Variants in BCKDHA observed in about 807,000 individuals in gnomAD.
BCKDHA encodes the protein 2-oxoisovalerate dehydrogenase subunit alpha, mitochondrial.
A neutral mutation model predicts 52.2 loss-of-function variants in BCKDHA; 43 were observed. The observed-to-expected ratio is 0.82, with a 90% CI of 0.64 to 1.06. The LOEUF (loss-of-function observed/expected upper bound fraction) is 1.06. Ranked by LOEUF, BCKDHA falls within the 50% of genes least tolerant of loss-of-function variation. The pLI is 0.00. For synonymous variants in BCKDHA, 234 were observed against 247.9 expected (o/e 0.94, Z 0.53); for missense variants, 527 against 621.3 (o/e 0.85, Z 1.61).
intron 1 of BCKDHA, among the ~76,000 whole-genome samples, chr19:41,401,303 C>T (rs1022934052): frequency 1.1e-4 from 16 of 151,862 alleles, no homozygotes; most frequent in Non-Finnish European, 2.2e-4. Context: ...CTTGAACTCC[C>T]GACCTCAGGC....
intron 4 of BCKDHA, among the ~76,000 whole-genome samples, chr19:41,416,677 C>T (rs1341072481): frequency 3.3e-5 from 5 of 152,178 alleles, no homozygotes; most frequent in African/African-American, 1.2e-4. Context: ...CCCAGCACTT[C>T]GGGAGGCTGA....
intron 1 of BCKDHA, among the ~76,000 whole-genome samples, chr19:41,406,538 G>A (rs980805383): frequency 2.0e-5 from 3 of 150,270 alleles, no homozygotes; most frequent in Non-Finnish European, 4.4e-5. Flanking sequence ...TCCAGTATCT[G>A]GACTACATGT....
Position 41,408,111 on chromosome 19 carries a change from A to C in BCKDHA, c.109-2526A>C, listed in dbSNP as rs137914326. Among the ~76,000 whole-genome samples, 47 of 152,036 alleles carry C rather than the reference A, an allele frequency of 3.1e-4. No individual in the cohort carries two copies. In the East Asian group the frequency reaches 8.9e-3, roughly 29 times the overall value. ...GCTGGGACCACAGGCATGTGTCACC[A>C]TGCCTTTCTAATGTTTGTATTTTTT... is the stretch of plus-strand genomic sequence containing the variant. On this transcript the variant is annotated intron_variant, in intron 1 of 8. Transcript: ENST00000269980.
chr19:41,399,597 C>T (rs2039114567), intron 1 of BCKDHA: 1 of 151,654 alleles, frequency 6.6e-6, no homozygotes, highest in African/African-American at 2.4e-5. Context: ...TTTGTATTAT[C>T]TTAAGAGTTA....
At position 41,424,764 on chromosome 19, in the gene BCKDHA, C is replaced by G; in HGVS notation, c.*156C>G. 1 of 765,752 alleles carries G rather than the reference C, an allele frequency of 1.3e-6. No homozygotes were observed. The highest frequency in any genetic ancestry group is 2.0e-6 in the Non-Finnish European group (1 of 493,564). The allele number at this position is 765,752 out of a possible 1,614,324, so 47.4% of individuals were successfully genotyped here. A position where few individuals can be genotyped will look rare whatever the true frequency, so the allele number is the denominator to read the frequency against. ...GGGCGGCTGCCACTCTTCACCCCTG[C>G]TCCTCCCGGCTGTTACATTGTCAGG... is the stretch of plus-strand genomic sequence containing the variant. On this transcript the variant is annotated 3_prime_UTR_variant, in exon 9 of 9. Transcript: ENST00000269980.
intron 1 of BCKDHA, among the ~76,000 whole-genome samples, chr19:41,405,054 G>C (rs547243322): frequency 9.7e-4 from 148 of 152,086 alleles, no homozygotes; most frequent in Non-Finnish European, 8.7e-4. Flanking sequence ...CCTGTCTCTA[G>C]CCTTCAGTTC....
At position 41,422,211 on chromosome 19, in the gene BCKDHA, G is replaced by A. The variant is rs977461786; in HGVS notation, c.694G>A (p.Val232Ile). The A allele has an allele frequency of 6.2e-6, 10 of 1,614,022 alleles. No homozygotes were observed. The highest frequency in any genetic ancestry group is 1.6e-4 in the Middle Eastern group (1 of 6,074). Reference protein sequence around the residue: ...AAKRANANRVVICYFGEGAAS... With the variant: ...AAKRANANRVIICYFGEGAAS... ...CAAGCGGGCCAATGCCAACAGGGTCGTCATCTGTTACTTCGGCGAGGGGGC... is the reference window on the plus strand; with the variant it reads ...CAAGCGGGCCAATGCCAACAGGGTCATCATCTGTTACTTCGGCGAGGGGGC... The change falls in exon 6 of 9, where the codon GTC (valine) becomes ATC (isoleucine). Residue 232 changes from valine to isoleucine, a missense_variant. By Grantham distance (29) the Val-to-Ile change is conservative. Coordinates refer to ENST00000269980, the MANE Select transcript of BCKDHA (RefSeq NM_000709.4).
chr19:41,410,062 T>C (rs1473373978), intron 1 of BCKDHA, among the ~76,000 whole-genome samples: 1 of 152,158 alleles, frequency 6.6e-6, no homozygotes, highest in Non-Finnish European at 1.5e-5. Context: ...CTCTGCCTCC[T>C]AAAGGCAGTA....
intron 4 of BCKDHA, among the ~76,000 whole-genome samples, chr19:41,414,892 A>C (rs1179499395): frequency 6.6e-6 from 1 of 152,142 alleles, no homozygotes; most frequent in Non-Finnish European, 1.5e-5. Flanking sequence ...TGCTTGGGGC[A>C]AGTTGCTTAA....
At chr19:41,414,241 A>G in intron 4 of BCKDHA, 84 bp downstream of exon 4, 1 of 1,312,064 alleles carries the variant, frequency 7.6e-7, no homozygotes, top group South Asian at 1.2e-5. Context: ...GGAGCAGCAT[A>G]GTGCCAGGAA....
chr19:41,405,960 C>G (rs2039187733), intron 1 of BCKDHA, among the ~76,000 whole-genome samples: 1 of 152,176 alleles, frequency 6.6e-6, no homozygotes, highest in Admixed American at 6.5e-5. Context: ...GGGACAGACT[C>G]CCCCACCCCC....
Position 41,410,813 on chromosome 19 carries a change from C to A in BCKDHA, c.285C>A (p.Pro95=), listed in dbSNP as rs778250707. Reference sequence around the variant, plus strand: ...AGATCATCAACCCCAGCGAGGACCCCCACGTGAGAGGCGGCCTCCCCCACT... The same window carrying A: ...AGATCATCAACCCCAGCGAGGACCCACACGTGAGAGGCGGCCTCCCCCACT... The part of the protein sequence containing the change: ...QGQIINPSED[P]HLPKEKVLKL... The change falls in exon 2 of 9, where the codon CCC becomes CCA. Residue 95 remains proline, a synonymous_variant. Transcript: ENST00000269980. 1 of 1,614,134 alleles carries A rather than the reference C, an allele frequency of 6.2e-7. No homozygotes were observed. Among genetic ancestry groups the A allele is most frequent in the South Asian group, 1.1e-5 (1 of 91,080 alleles).
intron 1 of BCKDHA, among the ~76,000 whole-genome samples, chr19:41,403,716 G>A (rs899509071): frequency 1.3e-5 from 2 of 152,252 alleles, no homozygotes; most frequent in South Asian, 2.1e-4. Context: ...CCAGAGCTGC[G>A]GCAGGTGCTT....
intron 5 of BCKDHA, among the ~76,000 whole-genome samples, chr19:41,420,554 G>A (rs926537355): frequency 6.6e-6 from 1 of 151,574 alleles, no homozygotes; most frequent in African/African-American, 2.4e-5. Flanking sequence ...AGCTGAGATC[G>A]TGCCATTGCA....
At chr19:41,403,860 C>T (rs2039164090) in intron 1 of BCKDHA, among the ~76,000 whole-genome samples, 1 of 152,228 alleles carries the variant, frequency 6.6e-6, no homozygotes, top group Admixed American at 6.5e-5. Flanking sequence ...GCAGTTTAAC[C>T]CTAGAGACCC....
chr19:41,423,684 T>C (rs2039395424), intron 8 of BCKDHA, among the ~76,000 whole-genome samples: 1 of 151,738 alleles, frequency 6.6e-6, no homozygotes, highest in Non-Finnish European at 1.5e-5. Context: ...ATACAAAAAT[T>C]AGCCGGGCAT....
At position 41,402,130 on chromosome 19, in the gene BCKDHA, G is replaced by A. The variant is rs148020420; in HGVS notation, c.108+4195G>A. 8.0e-3 allele frequency among the ~76,000 whole-genome samples: 1,215 copies of A among 152,262 alleles called. 7 individuals are homozygous for A. Among genetic ancestry groups the A allele is most frequent in the Middle Eastern group, 0.027 (8 of 294 alleles). The stretch of plus-strand genomic sequence containing the variant: ...CCCCTTTATAAAACCATCAGATCTC[G>A]TGAGACTTATTCAGTATAATGAGAA... On this transcript the variant is annotated intron_variant, in intron 1 of 8. Coordinates refer to ENST00000269980, the MANE Select transcript of BCKDHA (RefSeq NM_000709.4).
rs1233846126 is a variant in BCKDHA at position 41,400,714 on chromosome 19, A to AGTTTAT, written c.108+2781_108+2782insTTATGT. 2.0e-5 allele frequency among the ~76,000 whole-genome samples: 3 copies of AGTTTAT among 152,084 alleles called. No individual in the cohort carries two copies. In the East Asian group the frequency reaches 5.9e-4, roughly 30 times the overall value. On this transcript the variant is annotated intron_variant, in intron 1 of 8. Coordinates refer to ENST00000269980, the MANE Select transcript of BCKDHA (RefSeq NM_000709.4). ...TTAAATTATCATGAGTTTAAGTTTAAGTAGCCACAAGTGGGCTGGGTGCGG... is the reference window on the plus strand; with the variant it reads ...TTAAATTATCATGAGTTTAAGTTTAAGTTTATGTAGCCACAAGTGGGCTGGGTGCGG...
intron 3 of BCKDHA, among the ~76,000 whole-genome samples, chr19:41,411,511 G>GA (rs1198962829): frequency 1.2e-5 from 1 of 83,276 alleles, no homozygotes; most frequent in Admixed American, 9.8e-5. Context: ...TAGATCCAGG[G>GA]GGTCTTCCAG....
Sources: gnomAD v4.1 joint callset for allele counts (sites outside exome capture counted in the v4.1 genomes callset) on GRCh38, gnomAD v4.1.1 for gene constraint, MANE v1.5 for transcripts, NCBI Gene and HGNC (gene_info 2026-07-23, HGNC 2026-07-21) for gene names.